BCAS3: variants seen among roughly 807,000 people sequenced by gnomAD.
BCAS3 encodes BCAS3 microtubule associated cell migration factor.
A neutral mutation model predicts 116.1 loss-of-function variants in BCAS3; 53 were observed. The ratio of observed to expected loss-of-function variants is 0.46; its 90% CI spans 0.37 to 0.57. The LOEUF is 0.57. Ranked by LOEUF, BCAS3 falls within the 20% of genes least tolerant of loss-of-function variation. BCAS3 has a pLI of 0.00. For missense variants in BCAS3, 917 were observed against 1,165.4 expected, an observed-to-expected ratio of 0.79 and a Z score of 3.10; for synonymous variants, 391 against 408.2, an observed-to-expected ratio of 0.96 and a Z score of 0.51.
rs961617188 is a variant in BCAS3 at position 61,104,760 on chromosome 17, A to T, written c.2425+20196A>T. On this transcript the variant is annotated intron_variant, in intron 22 of 23. Coordinates refer to ENST00000407086, the MANE Select transcript of BCAS3 (RefSeq NM_017679.5). The surrounding 1 kb of genome is among the most constrained non-coding windows in gnomAD (Gnocchi z 4.1). ...TGCCCTCTCCATAAAAAAAATGCTT[A>T]CAACTTTATCTTACATTTTACTCAG... Among the ~76,000 whole-genome samples, 1 of 152,212 alleles carries T rather than the reference A, an allele frequency of 6.6e-6. No homozygotes were observed. The highest frequency in any genetic ancestry group is 1.5e-5 in the Non-Finnish European group (1 of 68,034).
chr17:60,914,960 A>T (rs1311888827), intron 12 of BCAS3, among the ~76,000 whole-genome samples: 1 of 152,180 alleles, frequency 6.6e-6, no homozygotes, highest in East Asian at 1.9e-4. Context: ...ACTTGTAAAC[A>T]TGAGTTGTTC....
intron 22 of BCAS3, chr17:61,353,469 G>A (rs1200142232): frequency 6.6e-6 from 1 of 152,376 alleles, no homozygotes; most frequent in Admixed American, 6.5e-5. Flanking sequence ...AACAGCGAAG[G>A]TATTGAGTGC....
In BCAS3 at chr17:61,366,323, C is replaced by T. The variant is rs536776556; in HGVS notation, c.2426-2004C>T. Among the ~76,000 whole-genome samples the T allele has an allele frequency of 3.9e-4, 60 of 152,318 alleles. No homozygotes were observed. Among genetic ancestry groups the T allele is most frequent in the South Asian group, 8.3e-4 (4 of 4,828 alleles). On this transcript the variant is annotated intron_variant, in intron 22 of 23. Transcript: ENST00000407086. This position sits in a 1 kb window ranked among gnomAD's most constrained non-coding sequence, Gnocchi z 4.5. ...GCTGGAAGTGGGGACTTTGCTTAAT[C>T]TCTTCACTCCTGTGAGACAGGGCAA...
At chr17:60,751,625 C>A (rs570232322) in intron 6 of BCAS3, among the ~76,000 whole-genome samples, 9 of 151,936 alleles carry the variant, frequency 5.9e-5, no homozygotes, top group South Asian at 4.1e-4. Context: ...TCACCACAAC[C>A]TCCATCTTCT....
At chr17:60,952,320 C>G (rs1416433745) in intron 14 of BCAS3, among the ~76,000 whole-genome samples, 1 of 148,152 alleles carries the variant, frequency 6.7e-6, no homozygotes. Context: ...TATTTTTAAA[C>G]TTTTTTTTTT....
rs1299273726 is a variant in BCAS3 at position 60,747,258 on chromosome 17, A to C, written c.382A>C (p.Ile128Leu). Residue 128 changes from isoleucine to leucine, a missense_variant, in exon 6 of 24, where the codon ATC becomes CTC. Around this residue, in one of 3 missense-constraint regions of BCAS3, gnomAD observed 807 missense variants for 1,026.0 expected, o/e 0.79. Coordinates refer to ENST00000407086, the MANE Select transcript of BCAS3 (RefSeq NM_017679.5). Reference sequence around the variant, plus strand: ...ACATGGCCCAATTCGAGCGGCTAGAATCTTGCCTGCTCCACAGTTTGGTGA... The same window carrying C: ...ACATGGCCCAATTCGAGCGGCTAGACTCTTGCCTGCTCCACAGTTTGGTGA... ...VRHGPIRAAR[I>L]LPAPQFGAQK... 6.2e-7 allele frequency: 1 copy of C among 1,613,110 alleles called. No individual in the cohort carries two copies. Among genetic ancestry groups the C allele is most frequent in the Non-Finnish European group, 8.5e-7 (1 of 1,179,158 alleles).
chr17:60,759,213 G>A (rs969908328), intron 6 of BCAS3, among the ~76,000 whole-genome samples: 3 of 152,240 alleles, frequency 2.0e-5, no homozygotes, highest in African/African-American at 4.8e-5. Flanking sequence ...CTAAAAATTC[G>A]TTGAAACTTA....
At chr17:60,709,169 T>G in intron 4 of BCAS3, 50 bp from the exon 5 acceptor site, 1 of 891,366 alleles carries the variant, frequency 1.1e-6, no homozygotes, top group East Asian at 2.5e-5. Flanking sequence ...TTTTCTTGAT[T>G]GCCATTATGT....
intron 22 of BCAS3, among the ~76,000 whole-genome samples, chr17:61,274,779 C>G (rs2050628055): frequency 6.6e-6 from 1 of 152,106 alleles, no homozygotes; most frequent in Non-Finnish European, 1.5e-5. Flanking sequence ...CCAAAAGCAT[C>G]TCAATTGGAA....
intron 7 of BCAS3, among the ~76,000 whole-genome samples, chr17:60,854,082 G>A (rs2053437325): frequency 6.6e-6 from 1 of 151,682 alleles, no homozygotes; most frequent in Non-Finnish European, 1.5e-5. Flanking sequence ...CCCGGTGTGT[G>A]TTGTTCCCCT....
At chr17:60,860,947 G>A (rs1044905718) in intron 7 of BCAS3, among the ~76,000 whole-genome samples, 1 of 152,020 alleles carries the variant, frequency 6.6e-6, no homozygotes, top group Non-Finnish European at 1.5e-5. Context: ...TATTCTTTTC[G>A]CCTAGGATTG....
Position 61,362,730 on chromosome 17 carries a change from C to T in BCAS3, c.2426-5597C>T, listed in dbSNP as rs970467002. ...GCTGGGAAGCAGGATTCGGGACACT[C>T]ACCTGGATGAGACCAGCTCTCTCTG... On this transcript the variant is annotated intron_variant, in intron 22 of 23. Transcript: ENST00000407086. This position sits in a 1 kb window ranked among gnomAD's most constrained non-coding sequence, Gnocchi z 4.4. 2 of 152,240 alleles carry T rather than the reference C, an allele frequency of 1.3e-5. No individual in the cohort carries two copies. Among genetic ancestry groups the T allele is most frequent in the Non-Finnish European group, 2.9e-5 (2 of 68,056 alleles). 9.4% of individuals were successfully genotyped at this position (152,240 alleles called of 1,614,324 possible).
intron 5 of BCAS3, among the ~76,000 whole-genome samples, chr17:60,730,135 AC>A (rs1323540264): frequency 6.6e-6 from 1 of 152,236 alleles, no homozygotes; most frequent in Non-Finnish European, 1.5e-5. Flanking sequence ...GTGTTGCATA[AC>A]TGAAGGAACA....
chr17:60,818,357 G>A (rs1474121067), intron 7 of BCAS3, among the ~76,000 whole-genome samples: 1 of 152,162 alleles, frequency 6.6e-6, no homozygotes, highest in African/African-American at 2.4e-5. Flanking sequence ...CAGTTATTAG[G>A]TGGAGGTGAA....
At chr17:61,114,883 A>G (rs2075326498) in intron 22 of BCAS3, among the ~76,000 whole-genome samples, 1 of 152,032 alleles carries the variant, frequency 6.6e-6, no homozygotes, top group African/African-American at 2.4e-5. Context: ...TACTGGTACC[A>G]AAACAAAGAT....
At chr17:61,163,310 G>A (rs1373707231) in intron 22 of BCAS3, among the ~76,000 whole-genome samples, 1 of 82,170 alleles carries the variant, frequency 1.2e-5, no homozygotes, top group Non-Finnish European at 3.7e-5. Context: ...TGTAGTCCCA[G>A]CTACTGGGGA....
At chr17:60,814,048 T>C (rs1487573327) in intron 7 of BCAS3, among the ~76,000 whole-genome samples, 1 of 152,182 alleles carries the variant, frequency 6.6e-6, no homozygotes, top group Non-Finnish European at 1.5e-5. Context: ...AGTAGTTGTT[T>C]TTCTAATTTT....
rs138184340 is a variant in BCAS3 at position 61,062,010 on chromosome 17, C to T, written c.2030-12910C>T. The stretch of plus-strand genomic sequence containing the variant: ...GAATCTAAAAATAGGGGGAAAAACA[C>T]ATAACCCACTATGCAATAAGGTCAA... On this transcript the variant is annotated intron_variant, in intron 19 of 23. Coordinates refer to ENST00000407086, the MANE Select transcript of BCAS3 (RefSeq NM_017679.5). 3.5e-3 allele frequency among the ~76,000 whole-genome samples: 533 copies of T among 152,270 alleles called. 1 individual carries two copies. The highest frequency in any genetic ancestry group is 0.012 in the African/African-American group (491 of 41,568).
chr17:61,297,682 G>A (rs2053052619), intron 22 of BCAS3, among the ~76,000 whole-genome samples: 1 of 152,112 alleles, frequency 6.6e-6, no homozygotes, highest in Non-Finnish European at 1.5e-5. Context: ...AGTGGTCGAT[G>A]GGCAGAGTCA....
Sources: gnomAD v4.1 joint callset for allele counts (sites outside exome capture counted in the v4.1 genomes callset) on GRCh38, gnomAD v4.1.1 for gene constraint, gnomAD v4.1.1 regional missense constraint, Gnocchi (gnomAD v3.1) non-coding constraint, MANE v1.5 for transcripts, NCBI Gene and HGNC (gene_info 2026-07-23, HGNC 2026-07-21) for gene names.